The following LSG1 variants were observed in gnomAD, a reference collection of about 807,000 sequenced individuals.
LSG1 encodes large subunit GTPase 1 homolog.
LSG1 carries 55 observed loss-of-function variants against 82.6 expected under a neutral mutation model. The observed-to-expected ratio is 0.67, with a 90% confidence interval of 0.54 to 0.83. The LOEUF (loss-of-function observed/expected upper bound fraction) is 0.83. Ranked by LOEUF, LSG1 falls within the 40% of genes least tolerant of loss-of-function variation. The pLI, the probability that LSG1 is intolerant of heterozygous loss-of-function variation, is 0.00. For missense variants in LSG1, 809 were observed against 807.9 expected, an observed-to-expected ratio of 1.00 and a Z score of -0.02; for synonymous variants, 272 against 282.5, an observed-to-expected ratio of 0.96 and a Z score of 0.37.
chr3:194,659,993 C>T, intron 6 of LSG1, 80 bp downstream of exon 6: 1 of 1,231,756 alleles, frequency 8.1e-7, no homozygotes, highest in Admixed American at 1.7e-5. Flanking sequence ...GAATGTATGC[C>T]TACAGTCATT....
chr3:194,663,124 G>C (rs940307844), intron 5 of LSG1, among the ~76,000 whole-genome samples: 4 of 152,230 alleles, frequency 2.6e-5, no homozygotes, highest in Non-Finnish European at 5.9e-5. Flanking sequence ...GGAGGGTGCT[G>C]TCCTCAAGGT....
Position 194,644,606 on chromosome 3 carries a change from A to C in LSG1, c.1764T>G (p.Ile588Met). Residue 588 changes from isoleucine (I) to methionine (M), a missense_variant, in exon 13 of 14, where the codon ATT (isoleucine) becomes ATG (methionine). By Grantham distance (10) the Ile-to-Met change is conservative (BLOSUM62 1). Transcript: ENST00000265245. ...QLGRNKKAKQ[I>M]ENIVDKTFFH... ...AAAAAGTTTTGTCAACGATATTTTC[A>C]ATCTGCTTTGCTTTTTTATTTCTGC... The C allele has an allele frequency of 6.2e-7, 1 of 1,611,958 alleles. No homozygotes were observed. Among genetic ancestry groups the C allele is most frequent in the Non-Finnish European group, 8.5e-7 (1 of 1,179,372 alleles).
intron 5 of LSG1, among the ~76,000 whole-genome samples, chr3:194,662,199 T>C (rs1407986978): frequency 6.6e-6 from 1 of 152,214 alleles, no homozygotes; most frequent in African/African-American, 2.4e-5. Flanking sequence ...TCGGCTACCC[T>C]GTTCCATTCA....
At position 194,641,702 on chromosome 3, in the gene LSG1, C is replaced by G. The variant is rs1437253673; in HGVS notation, c.*366G>C. 1 of 161,372 alleles carries G rather than the reference C, an allele frequency of 6.2e-6. No individual in the cohort carries two copies. The highest frequency in any genetic ancestry group is 1.4e-5 in the Non-Finnish European group (1 of 74,030). 10.0% of individuals were successfully genotyped at this position (161,372 alleles called of 1,614,324 possible). A position where few individuals can be genotyped will look rare whatever the true frequency, so the allele number is the denominator to read the frequency against. ...AATCTCCATTCACTGCAAACTCTGC[C>G]TCCCTGGTTCAAGTGATTCTCCTGC... On this transcript the variant is annotated 3_prime_UTR_variant, in exon 14 of 14. Coordinates refer to ENST00000265245, the MANE Select transcript of LSG1 (RefSeq NM_018385.3).
intron 5 of LSG1, among the ~76,000 whole-genome samples, chr3:194,664,592 A>G (rs1467207463): frequency 6.6e-6 from 1 of 152,134 alleles, no homozygotes; most frequent in South Asian, 2.1e-4. Context: ...TGTCAAAATC[A>G]TTCTCTTCTT....
chr3:194,659,046 C>G lies in LSG1; in HGVS notation c.670G>C (p.Ala224Pro). The G allele has an allele frequency of 6.2e-7, 1 of 1,614,170 alleles. No individual in the cohort carries two copies. Among genetic ancestry groups the G allele is most frequent in the Non-Finnish European group, 8.5e-7 (1 of 1,179,998 alleles). Reference protein sequence around the residue: ...ADLLTAEQRSAWAMYFEKEDV... With the variant: ...ADLLTAEQRSPWAMYFEKEDV... ...TCTTTTTCGAAGTACATGGCCCAGG[C>G]ACTCCGCTGCTCAGCAGTCAGCAAG... The change falls in exon 7 of 14, where the codon GCC (alanine) becomes CCC (proline). Residue 224 changes from alanine (A) to proline (P), a missense_variant. Physicochemically the swap from Ala to Pro is conservative, Grantham distance 27 (BLOSUM62 -1). Transcript: ENST00000265245.
intron 7 of LSG1, among the ~76,000 whole-genome samples, chr3:194,653,485 A>C (rs1001298509): frequency 6.6e-6 from 1 of 150,816 alleles, no homozygotes. Context: ...ACTGCACTCC[A>C]GTCTGGGCAA....
chr3:194,660,020 C>T, intron 6 of LSG1, 53 bp downstream of exon 6: 1 of 1,446,126 alleles, frequency 6.9e-7, no homozygotes, highest in Non-Finnish European at 9.7e-7. Context: ...GGATGCGGTG[C>T]TGGCACTGCT....
intron 8 of LSG1, among the ~76,000 whole-genome samples, chr3:194,651,842 G>A (rs960115486): frequency 6.6e-6 from 1 of 152,200 alleles, no homozygotes; most frequent in East Asian, 1.9e-4. Flanking sequence ...CTTTCCCCGT[G>A]TTCCTAACAA....
chr3:194,658,806 C>T, intron 7 of LSG1, 151 bp downstream of exon 7: 1 of 766,922 alleles, frequency 1.3e-6, no homozygotes, highest in Non-Finnish European at 2.1e-6. Context: ...TTGTGATTCA[C>T]TTTCTATAGG....
chr3:194,666,397 G>A, intron 3 of LSG1, 55 bp downstream of exon 3: 2 of 1,605,132 alleles, frequency 1.2e-6, no homozygotes, highest in East Asian at 2.2e-5. Context: ...TTTAAAAAAT[G>A]AATACTCAGC....
At position 194,667,877 on chromosome 3, in the gene LSG1, C is replaced by T. The variant is rs529057458; in HGVS notation, c.227-1305G>A. ...GGCAGAGGTTGCAGTGAGCTGAGAT[C>T]GCACCACTGCACTCCAGCCTGGGCG... On this transcript the variant is annotated intron_variant, in intron 2 of 13. Coordinates refer to ENST00000265245, the MANE Select transcript of LSG1 (RefSeq NM_018385.3). Among the ~76,000 whole-genome samples the T allele has an allele frequency of 3.2e-3, 424 of 134,584 alleles. 1 individual carries two copies. The highest frequency in any genetic ancestry group is 0.01 in the African/African-American group (373 of 35,784). 88.3% of individuals were successfully genotyped at this position (134,584 alleles called of 152,430 possible).
chr3:194,645,635 A>T, intron 12 of LSG1, among the ~76,000 whole-genome samples: 1 of 134,046 alleles, frequency 7.5e-6, no homozygotes, highest in Admixed American at 7.7e-5. Flanking sequence ...GTTTTCATTT[A>T]TTTCCCATAA....
At chr3:194,649,578 T>C (rs112748777) in intron 10 of LSG1, among the ~76,000 whole-genome samples, 6,764 of 151,142 alleles carry the variant, frequency 0.045, 507 homozygotes, top group African/African-American at 0.16. Flanking sequence ...TAATCCCAGC[T>C]ACTCGGGAGG....
chr3:194,660,679 A>C (rs957055103), intron 5 of LSG1: 1 of 306,888 alleles, frequency 3.3e-6, no homozygotes, highest in African/African-American at 2.2e-5. Context: ...TTTGGCAAAC[A>C]ATCATCCACC....
chr3:194,661,634 GAGGCAGATGGTTTAGCC>G (rs1718932400), intron 5 of LSG1, among the ~76,000 whole-genome samples: 2 of 152,216 alleles, frequency 1.3e-5, no homozygotes, highest in African/African-American at 2.4e-5. Flanking sequence ...TAGAATTAAA[GAGGCAGATGGTTTAGCC>G]AGCCTGTTAC....
Position 194,664,957 on chromosome 3 carries a change from T to TA in LSG1, c.521+599dup, listed in dbSNP as rs1719002659. 3.3e-5 allele frequency among the ~76,000 whole-genome samples: 5 copies of TA among 151,266 alleles called. No homozygotes were observed. The South Asian group carries it at 1.0e-3, about 32-fold the overall frequency. ...TAAATAAATAAATAAATAAAAAACA[T>TA]AAAAACCACCCCGTGATTTCCTCAA... is the stretch of plus-strand genomic sequence containing the variant. On this transcript the variant is annotated intron_variant, in intron 5 of 13. Transcript: ENST00000265245.
rs12491821 is a variant in LSG1, at chr3:194,667,107, C to T, written c.227-535G>A. ...TGAGACAGAGTCTCACTCTGTCACC[C>T]AGGCTGGAGTGAAGTGGCACAGTCT... On this transcript the variant is annotated intron_variant, in intron 2 of 13. Coordinates refer to ENST00000265245, the MANE Select transcript of LSG1 (RefSeq NM_018385.3). Among the ~76,000 whole-genome samples the T allele has an allele frequency of 8.5e-3, 1,291 of 152,060 alleles. 64 individuals carry two copies. Among genetic ancestry groups the T allele is most frequent in the Admixed American group, 0.08 (1,229 of 15,276 alleles).
chr3:194,668,464 T>A (rs1277048755), intron 2 of LSG1, among the ~76,000 whole-genome samples: 2 of 152,194 alleles, frequency 1.3e-5, no homozygotes, highest in Non-Finnish European at 2.9e-5. Flanking sequence ...ATTTTAGCTA[T>A]CCTAGTGGGT....
Sources: allele counts gnomAD v4.1 joint callset (sites outside exome capture counted in the v4.1 genomes callset), GRCh38; gene constraint gnomAD v4.1.1; transcripts MANE v1.5; gene names NCBI Gene and HGNC (gene_info 2026-07-23, HGNC 2026-07-21).